Variants in UBE2F observed in about 807,000 individuals in gnomAD.
The protein encoded by UBE2F is NEDD8-conjugating enzyme UBE2F.
Under a neutral mutation model 29.6 loss-of-function variants are expected in UBE2F, and 5 were observed. That is an observed-to-expected ratio of 0.17 (90% confidence interval 0.09 to 0.36). The LOEUF (loss-of-function observed/expected upper bound fraction) is 0.36, where lower values mean the gene tolerates loss of function less well. Ranked by LOEUF, UBE2F falls within the 10% of genes least tolerant of loss-of-function variation. The pLI is 1.00. For missense variants in UBE2F, 141 were observed against 228.5 expected, an observed-to-expected ratio of 0.62 and a Z score of 2.47; for synonymous variants, 66 against 81.8, an observed-to-expected ratio of 0.81 and a Z score of 1.04.
chr2:238,019,693 C>A (rs967389067), intron 5 of UBE2F, among the ~76,000 whole-genome samples: 1 of 112,058 alleles, frequency 8.9e-6, no homozygotes, highest in African/African-American at 3.6e-5. Flanking sequence ...GAGTTTCACT[C>A]TTGTCACCCA....
At chr2:237,994,696 G>C (rs748392953) in intron 3 of UBE2F, 48 bp from the exon 4 acceptor site, 2 of 1,479,402 alleles carry the variant, frequency 1.4e-6, no homozygotes, top group Non-Finnish European at 1.9e-6. Flanking sequence ...TCAACATATG[G>C]ACTGCTGCTC....
At chr2:237,976,786 G>A (rs1444630109) in intron 2 of UBE2F, among the ~76,000 whole-genome samples, 3 of 152,150 alleles carry the variant, frequency 2.0e-5, no homozygotes, top group Non-Finnish European at 4.4e-5. Flanking sequence ...AGCCATAGTA[G>A]GCACTTAATG....
rs75702812 is a variant in UBE2F, at chr2:237,994,872, C to T, written c.214+63C>T. On this transcript the variant is annotated intron_variant, in intron 4 of 9. Transcript: ENST00000272930. Reference sequence around the variant, plus strand: ...AGCGAATTATAAAGGCTGCCCAAACCTGTAATCTTTGCTTTGGTTTGTCCT... The same window carrying T: ...AGCGAATTATAAAGGCTGCCCAAACTTGTAATCTTTGCTTTGGTTTGTCCT... The T allele has an allele frequency of 3.8e-3, 5,167 of 1,346,952 alleles. 138 individuals are homozygous for T. The African/African-American group carries it at 0.064, about 17-fold the overall frequency. 83.4% of individuals were successfully genotyped at this position (1,346,952 alleles called of 1,614,324 possible).
chr2:238,037,116 T>G (rs2064729486), intron 9 of UBE2F, among the ~76,000 whole-genome samples: 1 of 152,172 alleles, frequency 6.6e-6, no homozygotes, highest in African/African-American at 2.4e-5. Context: ...TCTAAAAATT[T>G]TTTTCCTCTA....
At chr2:238,004,562 A>C (rs925152567) in intron 4 of UBE2F, among the ~76,000 whole-genome samples, 1 of 152,144 alleles carries the variant, frequency 6.6e-6, no homozygotes, top group Non-Finnish European at 1.5e-5. Flanking sequence ...ATTTGGGGAT[A>C]TCCAACTTAT....
In UBE2F at chr2:238,022,043, T is replaced by G. The variant is rs1012254903; in HGVS notation, c.283-3299T>G. ...AGTTGGCATCCTCACCATCCATGTTTGAAAATTCCGTTTCCCTAAGCAATT... is the reference window on the plus strand; with the variant it reads ...AGTTGGCATCCTCACCATCCATGTTGGAAAATTCCGTTTCCCTAAGCAATT... On this transcript the variant is annotated intron_variant, in intron 5 of 9. Coordinates refer to ENST00000272930, the MANE Select transcript of UBE2F (RefSeq NM_080678.3). Among the ~76,000 whole-genome samples, 9 of 152,264 alleles carry G rather than the reference T, an allele frequency of 5.9e-5. No homozygotes were observed. In the East Asian group the frequency reaches 1.5e-3, roughly 26 times the overall value.
chr2:237,972,969 A>T (rs1170767390), intron 1 of UBE2F, 123 bp from the exon 2 acceptor site: 10 of 1,136,448 alleles, frequency 8.8e-6, no homozygotes, highest in South Asian at 1.7e-5. Context: ...ATGTGTACAA[A>T]TTTTTTCCAT....
intron 2 of UBE2F, among the ~76,000 whole-genome samples, chr2:237,978,487 C>G (rs1197523835): frequency 6.6e-6 from 1 of 152,216 alleles, no homozygotes; most frequent in Non-Finnish European, 1.5e-5. Context: ...CCAGAGTCAG[C>G]TCTCCTGGCT....
At chr2:238,031,073 G>A (rs2064564634) in intron 7 of UBE2F, among the ~76,000 whole-genome samples, 1 of 152,230 alleles carries the variant, frequency 6.6e-6, no homozygotes, top group South Asian at 2.1e-4. Context: ...GCACAGGAAG[G>A]GGCTTTTGGC....
chr2:238,038,746 G>A (rs564563626), intron 9 of UBE2F, among the ~76,000 whole-genome samples: 55 of 152,168 alleles, frequency 3.6e-4, no homozygotes, highest in Non-Finnish European at 7.2e-4. Context: ...AAGCAGTGCC[G>A]CCCCATCCCC....
At chr2:238,038,510 C>T (rs969574782) in intron 9 of UBE2F, among the ~76,000 whole-genome samples, 3 of 152,212 alleles carry the variant, frequency 2.0e-5, no homozygotes, top group South Asian at 2.1e-4. Context: ...CTGTCGTTGG[C>T]GAGGACTAGC....
intron 4 of UBE2F, among the ~76,000 whole-genome samples, chr2:238,001,253 G>C (rs966248388): frequency 1.3e-5 from 2 of 151,758 alleles, no homozygotes; most frequent in Non-Finnish European, 2.9e-5. Context: ...GGCTGGTCTC[G>C]AACTCCTGAC....
At chr2:238,035,499 A>G (rs768846758) in intron 8 of UBE2F, 16 of 194,374 alleles carry the variant, frequency 8.2e-5, no homozygotes, top group Non-Finnish European at 1.5e-4. Flanking sequence ...AACAAAAGAA[A>G]AAGTGAATTT....
intron 4 of UBE2F, among the ~76,000 whole-genome samples, chr2:237,998,314 C>T (rs7599733): frequency 0.017 from 2,591 of 152,198 alleles, 69 homozygotes; most frequent in African/African-American, 0.059. Flanking sequence ...CAGTTCCTTG[C>T]CCCCTACACC....
intron 5 of UBE2F, among the ~76,000 whole-genome samples, chr2:238,022,116 G>A (rs2064308026): frequency 6.6e-6 from 1 of 152,024 alleles, no homozygotes; most frequent in Non-Finnish European, 1.5e-5. Context: ...GCCATTTTGG[G>A]AGGAAATGGT....
chr2:238,007,829 A>G (rs1034165143), intron 4 of UBE2F, among the ~76,000 whole-genome samples: 3 of 151,952 alleles, frequency 2.0e-5, no homozygotes, highest in Non-Finnish European at 4.4e-5. Flanking sequence ...TCTGTGAGGG[A>G]TATTTGTAGT....
rs1237278845 is a variant in UBE2F, at chr2:238,041,432, CCT to C, written c.*98_*99del. 2.2e-5 allele frequency: 28 copies of C among 1,301,850 alleles called. No homozygotes were observed. The highest frequency in any genetic ancestry group is 3.1e-5 in the Non-Finnish European group (28 of 905,506). 80.6% of individuals were successfully genotyped at this position (1,301,850 alleles called of 1,614,324 possible). On this transcript the variant is annotated 3_prime_UTR_variant, in exon 10 of 10. Transcript: ENST00000272930. ...AGCCCCCTCTCCCGTCCTCATGCTC[CCT>C]CTCAGTCCCCTGGATTGCCCCAGTC...
At chr2:238,011,218 T>C (rs970180642) in intron 4 of UBE2F, among the ~76,000 whole-genome samples, 1 of 152,252 alleles carries the variant, frequency 6.6e-6, no homozygotes, top group Non-Finnish European at 1.5e-5. Flanking sequence ...CCTTTGCATC[T>C]GCTCCCTCTT....
intron 2 of UBE2F, among the ~76,000 whole-genome samples, chr2:237,981,917 G>C (rs1318877421): frequency 6.6e-6 from 1 of 152,006 alleles, no homozygotes; most frequent in African/African-American, 2.4e-5. Context: ...ATGAGCGCTG[G>C]GAGAGAATTT....
Sources: allele counts gnomAD v4.1 joint callset (sites outside exome capture counted in the v4.1 genomes callset), GRCh38; gene constraint gnomAD v4.1.1; transcripts MANE v1.5; gene names NCBI Gene and HGNC (gene_info 2026-07-23, HGNC 2026-07-21).